POU2F1: variants seen among roughly 807,000 people sequenced by gnomAD.
POU2F1 encodes POU domain, class 2, transcription factor 1.
A neutral mutation model predicts 84.9 loss-of-function variants in POU2F1; 16 were observed. That is an observed-to-expected ratio of 0.19 (90% confidence interval 0.13 to 0.29). The LOEUF (loss-of-function observed/expected upper bound fraction) is 0.29, where lower values mean the gene tolerates loss of function less well. POU2F1 is among the 10% of genes least tolerant of loss of function. The pLI, the probability that POU2F1 is intolerant of heterozygous loss-of-function variation, is 1.00. For missense variants in POU2F1, 738 were observed against 942.6 expected (o/e 0.78, Z 2.84); for synonymous variants, 368 against 368.3 (o/e 1.00, Z 0.01).
At chr1:167,305,758 TATAAAG>T (rs1655022657) in intron 1 of POU2F1, among the ~76,000 whole-genome samples, 2 of 152,198 alleles carry the variant, frequency 1.3e-5, no homozygotes, top group South Asian at 4.1e-4. Flanking sequence ...ACCTAAAGCT[TATAAAG>T]ATAATGTGAA....
intron 1 of POU2F1, among the ~76,000 whole-genome samples, chr1:167,247,423 C>A (rs962244344): frequency 1.3e-5 from 2 of 152,112 alleles, no homozygotes; most frequent in African/African-American, 4.8e-5. Flanking sequence ...GTAAAGGATT[C>A]TTCTAAAATG....
intron 2 of POU2F1, among the ~76,000 whole-genome samples, chr1:167,354,470 T>G (rs532317801): frequency 6.6e-6 from 1 of 152,120 alleles, no homozygotes; most frequent in Non-Finnish European, 1.5e-5. Context: ...TTTTATATTT[T>G]TAGTAAAGAC....
At chr1:167,290,720 A>G (rs1180419795) in intron 1 of POU2F1, among the ~76,000 whole-genome samples, 1 of 152,214 alleles carries the variant, frequency 6.6e-6, no homozygotes, top group Non-Finnish European at 1.5e-5. Context: ...TATACTTTAA[A>G]AGATCGGCAA....
chr1:167,271,213 A>T (rs901078269), intron 1 of POU2F1, among the ~76,000 whole-genome samples: 10 of 152,228 alleles, frequency 6.6e-5, no homozygotes, highest in Admixed American at 4.6e-4. Context: ...AGTAAATTTT[A>T]AAAAGAATAA....
rs1371741212 is a variant in POU2F1, at chr1:167,357,963, C to A, written c.128-7504C>A. Among the ~76,000 whole-genome samples the A allele has an allele frequency of 4.0e-5, 6 of 151,108 alleles. No individual in the cohort carries two copies. In the South Asian group the frequency reaches 1.3e-3, roughly 32 times the overall value. ...GGACTACAGGCGCACATCACTACAC[C>A]CAGCTAATTTTTGTATTTTTAGTAG... On this transcript the variant is annotated intron_variant, in intron 2 of 15. Coordinates refer to ENST00000367866, the MANE Select transcript of POU2F1 (RefSeq NM_002697.4).
chr1:167,334,351 A>G (rs1853431), intron 2 of POU2F1, among the ~76,000 whole-genome samples: 148,566 of 151,972 alleles, frequency 0.98, 72,646 homozygotes, highest in East Asian at 1. Context: ...TAGTAGAGAC[A>G]GGGTTTCACC....
At chr1:167,387,245 A>G in intron 8 of POU2F1, 2 of 455,832 alleles carry the variant, frequency 4.4e-6, no homozygotes, top group South Asian at 3.1e-5. Context: ...ACCCCATCTA[A>G]AGGTACCCAA....
chr1:167,337,069 A>G (rs1047378049), intron 2 of POU2F1, among the ~76,000 whole-genome samples: 7 of 151,816 alleles, frequency 4.6e-5, no homozygotes, highest in Non-Finnish European at 8.8e-5. Context: ...AAGCTGAGGT[A>G]GGAGAATTGC....
intron 1 of POU2F1, chr1:167,328,957 CTT>C: frequency 1.1e-6 from 1 of 892,822 alleles, no homozygotes; most frequent in Non-Finnish European, 1.4e-6. Flanking sequence ...CAGCTGCAAT[CTT>C]TGTTTCTATT....
At chr1:167,357,801 ATTTTTTT>A (rs71572451) in intron 2 of POU2F1, among the ~76,000 whole-genome samples, 1 of 119,224 alleles carries the variant, frequency 8.4e-6, no homozygotes, top group Non-Finnish European at 1.7e-5. Flanking sequence ...TTATTAATTG[ATTTTTTT>A]TTTTTTTTTT....
At chr1:167,285,447 C>A (rs962771547) in intron 1 of POU2F1, among the ~76,000 whole-genome samples, 1 of 152,216 alleles carries the variant, frequency 6.6e-6, no homozygotes, top group South Asian at 2.1e-4. Flanking sequence ...AAAAAATTAG[C>A]CAGGCGCAGC....
intron 1 of POU2F1, among the ~76,000 whole-genome samples, chr1:167,283,637 A>G (rs1437077594): frequency 6.6e-6 from 1 of 152,210 alleles, no homozygotes; most frequent in African/African-American, 2.4e-5. Flanking sequence ...GACTATTTGC[A>G]CTTTGTGGGT....
At chr1:167,251,547 A>G (rs1483922661) in intron 1 of POU2F1, among the ~76,000 whole-genome samples, 2 of 152,166 alleles carry the variant, frequency 1.3e-5, no homozygotes, top group South Asian at 2.1e-4. Flanking sequence ...TTGGAGAGGT[A>G]GTTTTAGTAT....
chr1:167,401,032 G>T (rs1422502998), intron 12 of POU2F1, among the ~76,000 whole-genome samples: 1 of 151,650 alleles, frequency 6.6e-6, no homozygotes. Flanking sequence ...AAACTAATCC[G>T]TTTTTTTTAA....
At chr1:167,389,487 GT>G (rs1480898579) in intron 8 of POU2F1, 100 bp from the exon 9 acceptor site, 1 of 1,279,116 alleles carries the variant, frequency 7.8e-7, no homozygotes, top group Non-Finnish European at 1.1e-6. Flanking sequence ...GGTCTTCATC[GT>G]TATCCATAAA....
chr1:167,378,370 G>T (rs1319202783), intron 7 of POU2F1, among the ~76,000 whole-genome samples: 1 of 151,534 alleles, frequency 6.6e-6, no homozygotes, highest in Non-Finnish European at 1.5e-5. Flanking sequence ...CAAGTAGCTG[G>T]GATTACAGGC....
intron 6 of POU2F1, 22 bp from the exon 7 acceptor site, chr1:167,376,007 T>C: frequency 1.2e-6 from 2 of 1,613,678 alleles, no homozygotes; most frequent in East Asian, 2.2e-5. Context: ...CTCCAATCCA[T>C]GTTTTAATTC....
At chr1:167,324,673 C>G (rs550554712) in intron 1 of POU2F1, among the ~76,000 whole-genome samples, 1 of 152,170 alleles carries the variant, frequency 6.6e-6, no homozygotes, top group South Asian at 2.1e-4. Context: ...CACCATACCT[C>G]GGCTCTCTGT....
chr1:167,323,652 A>G (rs1223199727), intron 1 of POU2F1, among the ~76,000 whole-genome samples: 2 of 152,142 alleles, frequency 1.3e-5, no homozygotes, highest in African/African-American at 2.4e-5. Context: ...TGTGCTCCCA[A>G]TACTGTTCAT....
Sources: gnomAD v4.1 joint callset for allele counts (sites outside exome capture counted in the v4.1 genomes callset) on GRCh38, gnomAD v4.1.1 for gene constraint, MANE v1.5 for transcripts, NCBI Gene and HGNC (gene_info 2026-07-23, HGNC 2026-07-21) for gene names.